PRDM5: variants seen among roughly 807,000 people sequenced by gnomAD.
PRDM5 encodes PR domain zinc finger protein 5.
A neutral mutation model predicts 81.2 loss-of-function variants in PRDM5; 56 were observed. That is an observed-to-expected ratio of 0.69 (90% CI 0.56 to 0.86). The LOEUF is 0.86. Ranked by LOEUF, PRDM5 falls within the 40% of genes least tolerant of loss-of-function variation. The pLI is 0.00. For missense variants in PRDM5, 697 were observed against 770.1 expected, an observed-to-expected ratio of 0.91 and a Z score of 1.12; for synonymous variants, 267 against 256.4, an observed-to-expected ratio of 1.04 and a Z score of -0.39.
In PRDM5 at chr4:120,857,801, G is replaced by A. The variant is rs28507639; in HGVS notation, c.178-4261C>T. On this transcript the variant is annotated intron_variant, in intron 2 of 15. Transcript: ENST00000264808. ...CTTAAATATTTTATTTGTTAAATTG[G>A]GTCAACTATAGACAGAGAAGCTCAA... is the stretch of plus-strand genomic sequence containing the variant. 8.5e-3 allele frequency among the ~76,000 whole-genome samples: 1,290 copies of A among 152,216 alleles called. 21 individuals carry two copies. The highest frequency in any genetic ancestry group is 0.03 in the African/African-American group (1,235 of 41,540).
At chr4:120,824,937 A>G (rs761476447) in intron 3 of PRDM5, among the ~76,000 whole-genome samples, 4 of 152,092 alleles carry the variant, frequency 2.6e-5, no homozygotes, top group Non-Finnish European at 4.4e-5. Context: ...CTGCTCCTCT[A>G]CATTTTATAA....
In PRDM5 at chr4:120,781,091, C is replaced by G. The variant is rs115652761; in HGVS notation, c.1443+52G>C. 3,003 of 1,473,742 alleles carry G rather than the reference C, an allele frequency of 2.0e-3. 62 individuals carry two copies. The African/African-American group carries it at 0.035, about 17-fold the overall frequency. The allele number at this position is 1,473,742 out of a possible 1,614,324, so 91.3% of individuals were successfully genotyped here. ...TCACATGTTAGTTAACATATATACC[C>G]ATACTGCTTAAACACGTAATCTGTT... is the stretch of plus-strand genomic sequence containing the variant. On this transcript the variant is annotated intron_variant, in intron 12 of 15. Coordinates refer to ENST00000264808, the MANE Select transcript of PRDM5 (RefSeq NM_018699.4).
Position 120,798,496 on chromosome 4 carries a change from C to T in PRDM5, c.1031-72G>A. 4.5e-6 allele frequency: 6 copies of T among 1,337,190 alleles called. No individual in the cohort carries two copies. In the South Asian group the frequency reaches 7.7e-5, roughly 17 times the overall value. 82.8% of individuals were successfully genotyped at this position (1,337,190 alleles called of 1,614,324 possible). A position where few individuals can be genotyped will look rare whatever the true frequency, so the allele number is the denominator to read the frequency against. ...AAGGATAAAAGAGAAAACACCCTTA[C>T]CTTATATTACTTCTTACGGTAAGAA... On this transcript the variant is annotated intron_variant, in intron 9 of 15. Transcript: ENST00000264808.
At chr4:120,706,726 T>A (rs558537356) in intron 15 of PRDM5, among the ~76,000 whole-genome samples, 4 of 144,132 alleles carry the variant, frequency 2.8e-5, no homozygotes, top group Admixed American at 7.2e-5. Context: ...TATATATATA[T>A]AAATTATATA....
At chr4:120,747,429 TATA>T (rs1348653966) in intron 14 of PRDM5, among the ~76,000 whole-genome samples, 34 of 152,028 alleles carry the variant, frequency 2.2e-4, no homozygotes, top group African/African-American at 7.7e-4. Context: ...AAACTTTAAG[TATA>T]ATAATAAAAA....
intron 2 of PRDM5, among the ~76,000 whole-genome samples, chr4:120,886,226 T>C (rs1043542252): frequency 2.0e-5 from 3 of 152,230 alleles, no homozygotes; most frequent in African/African-American, 4.8e-5. Context: ...AATGTTATCA[T>C]CTGCAAAAGA....
chr4:120,744,965 A>G, intron 14 of PRDM5, among the ~76,000 whole-genome samples: 1 of 144,374 alleles, frequency 6.9e-6, no homozygotes, highest in Non-Finnish European at 1.5e-5. Flanking sequence ...AAAGCCAGGC[A>G]GAGACACAAC....
chr4:120,734,413 C>CAAAT (rs1435127385), intron 14 of PRDM5, among the ~76,000 whole-genome samples: 10 of 144,756 alleles, frequency 6.9e-5, no homozygotes, highest in Middle Eastern at 7.3e-3. Context: ...CACACACACA[C>CAAAT]ACACAAATAC....
At chr4:120,830,506 C>T (rs1341028360) in intron 3 of PRDM5, among the ~76,000 whole-genome samples, 1 of 152,072 alleles carries the variant, frequency 6.6e-6, no homozygotes, top group Non-Finnish European at 1.5e-5. Flanking sequence ...CTATAAACCA[C>T]TAAGAGTTTA....
At chr4:120,755,036 C>T (rs1352175711) in intron 13 of PRDM5, among the ~76,000 whole-genome samples, 4 of 152,174 alleles carry the variant, frequency 2.6e-5, no homozygotes, top group Non-Finnish European at 4.4e-5. Flanking sequence ...GATTCATTGA[C>T]ACCTTGTTCT....
chr4:120,822,250 T>C (rs1011278999), intron 3 of PRDM5, among the ~76,000 whole-genome samples: 4 of 152,246 alleles, frequency 2.6e-5, no homozygotes, highest in African/African-American at 4.8e-5. Context: ...TTGCTCTCTT[T>C]TACATAGTTA....
chr4:120,783,298 T>C (rs1749306330), intron 11 of PRDM5, among the ~76,000 whole-genome samples: 1 of 152,104 alleles, frequency 6.6e-6, no homozygotes, highest in Admixed American at 6.6e-5. Flanking sequence ...TTATCAAAGT[T>C]GATTTTCCTG....
chr4:120,840,968 G>A (rs749465130), intron 3 of PRDM5, among the ~76,000 whole-genome samples: 4 of 152,204 alleles, frequency 2.6e-5, no homozygotes, highest in African/African-American at 4.8e-5. Context: ...GTGCAGCCAG[G>A]TATGGGTCTA....
Position 120,818,445 on chromosome 4 carries a change from G to C in PRDM5, c.558C>G (p.Leu186=), listed in dbSNP as rs200556342. 9 of 1,613,658 alleles carry C rather than the reference G, an allele frequency of 5.6e-6. No homozygotes were observed. The Admixed American group carries it at 1.5e-4, about 27-fold the overall frequency. ...FTSEDILAEH[L]QTLHQKPTEE... is the part of the protein sequence containing the mutation. ...CTGTGGGTTTCTGGTGCAATGTCTGGAGATGCTCAGCAAGAATATCCTCAC... is the reference window on the plus strand; with the variant it reads ...CTGTGGGTTTCTGGTGCAATGTCTGCAGATGCTCAGCAAGAATATCCTCAC... Residue 186 remains leucine, a synonymous_variant, in exon 5 of 16, where the codon CTC becomes CTG. Transcript: ENST00000264808.
At chr4:120,748,082 C>T (rs1235637772) in intron 14 of PRDM5, among the ~76,000 whole-genome samples, 2 of 152,156 alleles carry the variant, frequency 1.3e-5, no homozygotes, top group East Asian at 3.9e-4. Context: ...GTGTCTAATG[C>T]AATAAAAACA....
chr4:120,736,910 T>C (rs1285636097), intron 14 of PRDM5, among the ~76,000 whole-genome samples: 1 of 152,230 alleles, frequency 6.6e-6, no homozygotes, highest in Non-Finnish European at 1.5e-5. Flanking sequence ...TTTGCAAAAG[T>C]CTACTTCCTT....
At chr4:120,779,381 C>T (rs1040863584) in intron 12 of PRDM5, among the ~76,000 whole-genome samples, 5 of 152,032 alleles carry the variant, frequency 3.3e-5, no homozygotes, top group Admixed American at 2.6e-4. Context: ...TTATTGCAGA[C>T]AAAGTAATCT....
chr4:120,762,416 T>C (rs1278014161), intron 13 of PRDM5: 30 of 152,176 alleles, frequency 2.0e-4, no homozygotes, highest in Admixed American at 2.0e-3. Context: ...TTAAAATATA[T>C]GTATTATATG....
chr4:120,704,149 G>A (rs897860669), intron 15 of PRDM5, among the ~76,000 whole-genome samples: 2 of 152,162 alleles, frequency 1.3e-5, no homozygotes, highest in African/African-American at 4.8e-5. Context: ...CTAGGGATGA[G>A]ATGGGAACAC....
Sources: allele counts gnomAD v4.1 joint callset (sites outside exome capture counted in the v4.1 genomes callset), GRCh38; gene constraint gnomAD v4.1.1; transcripts MANE v1.5; gene names NCBI Gene and HGNC (gene_info 2026-07-23, HGNC 2026-07-21).